The following AGBL1 variants were observed in gnomAD, a reference collection of about 807,000 sequenced individuals.
AGBL1 encodes AGBL carboxypeptidase 1, also known as cytosolic carboxypeptidase 4.
In AGBL1, 130 loss-of-function variants were observed where a neutral mutation model predicts 118.9. That is an observed-to-expected ratio of 1.09 (90% confidence interval 0.95 to 1.26). The LOEUF (loss-of-function observed/expected upper bound fraction) is 1.26. Ranked by LOEUF, AGBL1 falls within the 50% of genes most tolerant of loss-of-function variation. The pLI, the probability that AGBL1 is intolerant of heterozygous loss-of-function variation, is 0.00. For missense variants in AGBL1, 1,584 were observed against 1,298.1 expected (o/e 1.22, Z -3.38); for synonymous variants, 555 against 478.9 (o/e 1.16, Z -2.08).
chr15:86,426,443 G>C lies in AGBL1; in HGVS notation c.2555+28897G>C, dbSNP rs1382981217. Among the ~76,000 whole-genome samples, 4 of 152,320 alleles carry C rather than the reference G, an allele frequency of 2.6e-5. No homozygotes were observed. The East Asian group carries it at 7.7e-4, about 29-fold the overall frequency. ...TTAAGTGAGCACCAAGAGAAATTGT[G>C]TATGGTTCCATAGTGTGGGTTCATT... On this transcript the variant is annotated intron_variant, in intron 18 of 22. Transcript: ENST00000614907.
intron 1 of AGBL1, among the ~76,000 whole-genome samples, chr15:86,084,850 A>T (rs1895528192): frequency 6.6e-6 from 1 of 152,200 alleles, no homozygotes; most frequent in African/African-American, 2.4e-5. Flanking sequence ...CCATCCATCC[A>T]TCCCATTTAC....
chr15:87,020,000 A>G (rs2081646856), intron 24 of AGBL1, among the ~76,000 whole-genome samples: 1 of 152,142 alleles, frequency 6.6e-6, no homozygotes, highest in Admixed American at 6.5e-5. Context: ...CACATAAACT[A>G]GAAAATCTAG....
chr15:86,169,059 C>T (rs1015937601), intron 5 of AGBL1, among the ~76,000 whole-genome samples: 2 of 152,168 alleles, frequency 1.3e-5, no homozygotes, highest in East Asian at 1.9e-4. Context: ...CCTTAAATTC[C>T]CCCAGCTCAT....
At chr15:86,263,439 G>A (rs948729273) in intron 10 of AGBL1, among the ~76,000 whole-genome samples, 3 of 152,206 alleles carry the variant, frequency 2.0e-5, no homozygotes, top group Non-Finnish European at 4.4e-5. Flanking sequence ...ATTTCTCAGA[G>A]CATTCCCCAT....
chr15:86,487,194 G>T (rs1018406213), intron 18 of AGBL1, among the ~76,000 whole-genome samples: 1 of 152,044 alleles, frequency 6.6e-6, no homozygotes, highest in Non-Finnish European at 1.5e-5. Context: ...GGCAAAGTCA[G>T]GTCACAAGGA....
intron 1 of AGBL1, among the ~76,000 whole-genome samples, chr15:86,130,716 A>C (rs1177817176): frequency 6.6e-6 from 1 of 152,156 alleles, no homozygotes; most frequent in East Asian, 1.9e-4. Context: ...CAAGATTTTC[A>C]ATGCTTTTTA....
At chr15:86,993,913 G>C (rs1395241072) in intron 24 of AGBL1, among the ~76,000 whole-genome samples, 1 of 152,098 alleles carries the variant, frequency 6.6e-6, no homozygotes, top group Non-Finnish European at 1.5e-5. Context: ...AAGGGTAGGG[G>C]TAAGAGGAAT....
At chr15:86,247,181 T>C (rs920425337) in intron 6 of AGBL1, among the ~76,000 whole-genome samples, 4 of 152,258 alleles carry the variant, frequency 2.6e-5, no homozygotes, top group Admixed American at 6.5e-5. Flanking sequence ...CAATAATGCC[T>C]TTTATAGCAA....
chr15:86,232,296 G>A (rs1381169513), intron 6 of AGBL1, among the ~76,000 whole-genome samples: 1 of 152,196 alleles, frequency 6.6e-6, no homozygotes, highest in East Asian at 1.9e-4. Flanking sequence ...CGGGCCTTGG[G>A]CTGAGCCGCA....
At chr15:86,339,116 C>T (rs966159534) in intron 17 of AGBL1, among the ~76,000 whole-genome samples, 1 of 152,052 alleles carries the variant, frequency 6.6e-6, no homozygotes, top group African/African-American at 2.4e-5. Flanking sequence ...AGGAAATTTT[C>T]ACTAGATACG....
chr15:86,855,209 T>C (rs1567208679), intron 22 of AGBL1, among the ~76,000 whole-genome samples: 1 of 152,370 alleles, frequency 6.6e-6, no homozygotes, highest in East Asian at 1.9e-4. Flanking sequence ...CACACTGATA[T>C]TTAAAGTTCG....
chr15:86,325,415 GAA>G (rs1318585725), intron 17 of AGBL1, among the ~76,000 whole-genome samples: 2 of 152,182 alleles, frequency 1.3e-5, no homozygotes, highest in Non-Finnish European at 2.9e-5. Context: ...AAGAGCATGA[GAA>G]AAGAGAACAG....
intron 23 of AGBL1, among the ~76,000 whole-genome samples, chr15:86,949,073 A>C (rs563710270): frequency 6.6e-6 from 1 of 152,318 alleles, no homozygotes; most frequent in Non-Finnish European, 1.5e-5. Flanking sequence ...AAACTGCAGA[A>C]AAAGTCACGT....
chr15:86,686,267 T>A (rs1290006227), intron 22 of AGBL1, among the ~76,000 whole-genome samples: 2 of 152,106 alleles, frequency 1.3e-5, no homozygotes, highest in Non-Finnish European at 2.9e-5. Context: ...ATCAGTGAAG[T>A]GCTGAGGACC....
At chr15:86,493,898 G>T (rs1282945943) in intron 18 of AGBL1, among the ~76,000 whole-genome samples, 1 of 151,858 alleles carries the variant, frequency 6.6e-6, no homozygotes, top group Non-Finnish European at 1.5e-5. Flanking sequence ...AGACTGTTTA[G>T]CTTCATATCA....
chr15:86,214,054 C>G (rs1242642044), intron 5 of AGBL1, among the ~76,000 whole-genome samples: 2 of 152,148 alleles, frequency 1.3e-5, no homozygotes, highest in Non-Finnish European at 2.9e-5. Flanking sequence ...TTTTGAAATG[C>G]TAGTTGCATT....
chr15:86,414,538 A>G (rs533091264), intron 18 of AGBL1, among the ~76,000 whole-genome samples: 2 of 152,304 alleles, frequency 1.3e-5, no homozygotes, highest in African/African-American at 4.8e-5. Context: ...GTGCTAATAG[A>G]TGTTTCACAC....
At chr15:86,719,127 C>G (rs187725968) in intron 22 of AGBL1, among the ~76,000 whole-genome samples, 1 of 152,072 alleles carries the variant, frequency 6.6e-6, no homozygotes, top group African/African-American at 2.4e-5. Context: ...GCAAATATAA[C>G]AAGAAAAAAT....
intron 6 of AGBL1, among the ~76,000 whole-genome samples, chr15:86,226,008 A>T (rs1363731363): frequency 6.6e-6 from 1 of 152,158 alleles, no homozygotes; most frequent in Non-Finnish European, 1.5e-5. Context: ...GATAAGCTTG[A>T]TAAGCTGTGA....
Sources: gnomAD v4.1 joint callset for allele counts (sites outside exome capture counted in the v4.1 genomes callset) on GRCh38, gnomAD v4.1.1 for gene constraint, MANE v1.5 for transcripts, NCBI Gene and HGNC (gene_info 2026-07-23, HGNC 2026-07-21) for gene names.